LRRC71: variants seen among roughly 807,000 people sequenced by gnomAD.
LRRC71 encodes leucine rich repeat containing 71.
In LRRC71, 54 loss-of-function variants were observed where a neutral mutation model predicts 66.6. That is an observed-to-expected ratio of 0.81 (90% CI 0.65 to 1.02). The LOEUF is 1.02. Ranked by LOEUF, LRRC71 falls within the 50% of genes least tolerant of loss-of-function variation. The pLI, the probability that LRRC71 is intolerant of heterozygous loss-of-function variation, is 0.00. For synonymous variants in LRRC71, 323 were observed against 303.9 expected, an observed-to-expected ratio of 1.06 and a Z score of -0.65; for missense variants, 724 against 718.0, an observed-to-expected ratio of 1.01 and a Z score of -0.10.
At chr1:156,927,122 GACGCAC>G in intron 5 of LRRC71, 74 bp from the exon 6 acceptor site, 2 of 1,268,956 alleles carry the variant, frequency 1.6e-6, no homozygotes, top group Non-Finnish European at 2.2e-6. Flanking sequence ...GCTTCCCAGA[GACGCAC>G]ACTTCCTCTC....
chr1:156,935,939 C>T (rs373520458), downstream of LRRC71: 262 of 1,550,544 alleles, frequency 1.7e-4, no homozygotes, highest in South Asian at 3.6e-4. Flanking sequence ...CCCTGTGCCC[C>T]GGTCTCAGGC....
chr1:156,920,833 C>G lies in LRRC71; in HGVS notation c.30C>G (p.Ala10=). Residue 10 remains alanine (A), a synonymous_variant, in exon 1 of 15, where the codon GCC becomes GCG. Coordinates refer to ENST00000337428, the MANE Select transcript of LRRC71 (RefSeq NM_144702.3). The surrounding 1 kb of genome is among the most constrained non-coding windows in gnomAD (Gnocchi z 4.9). MSSEQSAPG[A]SPRAPRPGTQ... Reference sequence around the variant, plus strand: ...CGAGCGAGCAGAGCGCGCCGGGGGCCTCACCCAGGGCCCCGCGTCCGGGGA... The same window carrying G: ...CGAGCGAGCAGAGCGCGCCGGGGGCGTCACCCAGGGCCCCGCGTCCGGGGA... 1.3e-6 allele frequency: 2 copies of G among 1,533,586 alleles called. No individual in the cohort carries two copies. Among genetic ancestry groups the G allele is most frequent in the African/African-American group, 1.4e-5 (1 of 72,326 alleles). The allele number at this position is 1,533,586 out of a possible 1,614,324, so 95.0% of individuals were successfully genotyped here. A position where few individuals can be genotyped will look rare whatever the true frequency, so the allele number is the denominator to read the frequency against.
intron 5 of LRRC71, among the ~76,000 whole-genome samples, chr1:156,926,997 C>T (rs1372939416): frequency 1.3e-5 from 2 of 152,190 alleles, no homozygotes; most frequent in African/African-American, 4.8e-5. Flanking sequence ...CATGGGTCAC[C>T]AACTTTGGGG....
chr1:156,931,167 C>T (rs1654311869), intron 12 of LRRC71, among the ~76,000 whole-genome samples: 1 of 152,150 alleles, frequency 6.6e-6, no homozygotes, highest in African/African-American at 2.4e-5. Flanking sequence ...TGGAAATCTT[C>T]CTGGGCTGCC....
chr1:156,925,773 GC>G (rs1653108918), intron 5 of LRRC71, among the ~76,000 whole-genome samples: 1 of 152,238 alleles, frequency 6.6e-6, no homozygotes, highest in Non-Finnish European at 1.5e-5. Context: ...GCAGTGGCTT[GC>G]CTGTCTTCCT....
rs1413211535 is a variant in LRRC71, at chr1:156,929,393, C to T, written c.1110C>T (p.Thr370=). 2.5e-6 allele frequency: 4 copies of T among 1,613,704 alleles called. No homozygotes were observed. The highest frequency in any genetic ancestry group is 2.7e-5 in the African/African-American group (2 of 74,884). The change falls in exon 10 of 15, where the codon ACC becomes ACT. Residue 370 remains threonine, a synonymous_variant. Coordinates refer to ENST00000337428, the MANE Select transcript of LRRC71 (RefSeq NM_144702.3). ...DKTDKTQTMK[T]PKGLGKKKEK... ...CAGACAAGACGCAGACAATGAAAACCCCTAAGGGCCTGGGCAAGAAAAAGG... is the reference window on the plus strand; with the variant it reads ...CAGACAAGACGCAGACAATGAAAACTCCTAAGGGCCTGGGCAAGAAAAAGG...
the LRRC71 span, chr1:156,939,815 T>G: frequency 6.2e-7 from 1 of 1,613,646 alleles, no homozygotes; most frequent in Non-Finnish European, 8.5e-7. Context: ...ACAGAAGGTG[T>G]GGGTGTCAGG....
Position 156,927,232 on chromosome 1 carries a change from G to C in LRRC71, c.624G>C (p.Pro208=), listed in dbSNP as rs746636978. Residue 208 remains proline (P), a synonymous_variant, in exon 6 of 15, where the codon CCG becomes CCC. Transcript: ENST00000337428. ...RKVSLEGNPL[P]EQSYHKLMAL... ...TGTCTCTGGAGGGGAACCCACTGCC[G>C]GAGCAGTCCTATCACAAGCTCATGG... 3.7e-6 allele frequency: 6 copies of C among 1,613,350 alleles called. No homozygotes were observed. The highest frequency in any genetic ancestry group is 1.3e-5 in the African/African-American group (1 of 74,866).
At chr1:156,924,619 C>T in intron 3 of LRRC71, 24 bp from the exon 4 acceptor site, 1 of 1,541,584 alleles carries the variant, frequency 6.5e-7, no homozygotes, top group South Asian at 1.2e-5. Flanking sequence ...AGGTCTGAGG[C>T]ACCTGCCTCC....
Position 156,927,638 on chromosome 1 carries a change from G to T in LRRC71, c.805G>T (p.Ala269Ser), listed in dbSNP as rs950416616. ...TTTCAACCACATCGGTGACGAGGGC[G>T]CAGGCTACATCGCGGACGTGAGTGC... ...LGFNHIGDEG[A>S]GYIADGLRLN... The change falls in exon 7 of 15, where the codon GCA (alanine) becomes TCA (serine). Residue 269 changes from alanine (A) to serine (S), a missense_variant. Coordinates refer to ENST00000337428, the MANE Select transcript of LRRC71 (RefSeq NM_144702.3). 2 of 1,604,752 alleles carry T rather than the reference G, an allele frequency of 1.2e-6. No homozygotes were observed. The highest frequency in any genetic ancestry group is 1.7e-6 in the Non-Finnish European group (2 of 1,176,114).
chr1:156,923,044 G>A (rs1018397320), intron 1 of LRRC71, among the ~76,000 whole-genome samples: 3 of 152,208 alleles, frequency 2.0e-5, no homozygotes, highest in African/African-American at 7.2e-5. Flanking sequence ...CCAGACACAG[G>A]AGGAAAATGC....
In LRRC71 at chr1:156,920,923, C is replaced by T. The variant is rs1005755045; in HGVS notation, c.120C>T (p.Thr40=). Residue 40 remains threonine (T), a synonymous_variant, in exon 1 of 15, where the codon ACC becomes ACT. Coordinates refer to ENST00000337428, the MANE Select transcript of LRRC71 (RefSeq NM_144702.3). The surrounding 1 kb of genome is among the most constrained non-coding windows in gnomAD (Gnocchi z 4.9). ...GCGCGGCCAAAGAGAAGCCAGCGACCGTTCTGCCTCCCGTGGGGGAGGAGG... is the reference window on the plus strand; with the variant it reads ...GCGCGGCCAAAGAGAAGCCAGCGACTGTTCTGCCTCCCGTGGGGGAGGAGG... The part of the protein sequence containing the change: ...GERAAKEKPA[T]VLPPVGEEEP... The T allele has an allele frequency of 1.3e-6, 2 of 1,539,966 alleles. No individual in the cohort carries two copies. Among genetic ancestry groups the T allele is most frequent in the African/African-American group, 1.4e-5 (1 of 72,572 alleles).
At chr1:156,932,615 T>C in intron 14 of LRRC71, 70 bp downstream of exon 14, 1 of 1,613,748 alleles carries the variant, frequency 6.2e-7, no homozygotes. Context: ...AGACAGCTGC[T>C]GCAGGCAGCT....
downstream of LRRC71, chr1:156,936,752 T>C: frequency 6.5e-7 from 1 of 1,544,972 alleles, no homozygotes; most frequent in South Asian, 1.2e-5. Context: ...TAGTGATGTG[T>C]CCTCACGAGT....
the LRRC71 span, chr1:156,940,337 C>T: frequency 1.2e-6 from 2 of 1,613,976 alleles, no homozygotes; most frequent in Non-Finnish European, 1.7e-6. Flanking sequence ...GCAGGACACC[C>T]AGTTCCTCTT....
At chr1:156,935,803 AAG>A, downstream of LRRC71, 1 of 607,648 alleles carries the variant, frequency 1.6e-6, no homozygotes, top group East Asian at 2.9e-5. Context: ...AGGGAGGGAA[AAG>A]ACACTGAAAC....
Position 156,929,395 on chromosome 1 carries a change from C to T in LRRC71, c.1112C>T (p.Pro371Leu), listed in dbSNP as rs758066229. ...KTDKTQTMKT[P>L]KGLGKKKEKS... ...GACAAGACGCAGACAATGAAAACCCCTAAGGGCCTGGGCAAGAAAAAGGAG... is the reference window on the plus strand; with the variant it reads ...GACAAGACGCAGACAATGAAAACCCTTAAGGGCCTGGGCAAGAAAAAGGAG... The change falls in exon 10 of 15, where the codon CCT becomes CTT. Residue 371 changes from proline (P) to leucine (L), a missense_variant. Physicochemically the swap from Pro to Leu is moderately conservative, Grantham distance 98. Coordinates refer to ENST00000337428, the MANE Select transcript of LRRC71 (RefSeq NM_144702.3). The T allele has an allele frequency of 1.2e-5, 19 of 1,613,890 alleles. No individual in the cohort carries two copies. In the South Asian group the frequency reaches 2.1e-4, roughly 18 times the overall value.
downstream of LRRC71, chr1:156,937,509 TA>T: frequency 1.3e-6 from 2 of 1,512,296 alleles, no homozygotes; most frequent in South Asian, 2.7e-5. Context: ...GTCCCCACAG[TA>T]AGAGAATGAG....
chr1:156,940,228 C>T, the LRRC71 span: 17 of 1,592,588 alleles, frequency 1.1e-5, no homozygotes, highest in South Asian at 2.3e-5. Context: ...GCGGAGTCAG[C>T]GAGCCCTTCC....
Sources: allele counts gnomAD v4.1 joint callset (sites outside exome capture counted in the v4.1 genomes callset), GRCh38; gene constraint gnomAD v4.1.1; non-coding constraint Gnocchi (gnomAD v3.1); transcripts MANE v1.5; gene names NCBI Gene and HGNC (gene_info 2026-07-23, HGNC 2026-07-21).